UST: variants seen among roughly 807,000 people sequenced by gnomAD.
UST encodes uronyl 2-sulfotransferase, also known as chondroitin sulfate 2-O-sulfotransferase.
A neutral mutation model predicts 45.6 loss-of-function variants in UST; 21 were observed. That is an observed-to-expected ratio of 0.46 (90% CI 0.33 to 0.66). The LOEUF (loss-of-function observed/expected upper bound fraction) is 0.66. UST is among the 30% of genes least tolerant of loss of function. UST has a pLI of 0.02. For synonymous variants in UST, 215 were observed against 200.6 expected, an observed-to-expected ratio of 1.07 and a Z score of -0.61; for missense variants, 463 against 512.4, an observed-to-expected ratio of 0.90 and a Z score of 0.93.
At chr6:148,924,500 A>G (rs1190853581) in intron 2 of UST, among the ~76,000 whole-genome samples, 1 of 152,218 alleles carries the variant, frequency 6.6e-6, no homozygotes, top group African/African-American at 2.4e-5. Flanking sequence ...AGGACACTGA[A>G]GACGGTTTTG....
chr6:149,016,260 A>G (rs1023775100), intron 5 of UST, among the ~76,000 whole-genome samples: 2 of 152,242 alleles, frequency 1.3e-5, no homozygotes, highest in African/African-American at 4.8e-5. Flanking sequence ...ATGTCTTCCT[A>G]TAAATTGACC....
intron 5 of UST, among the ~76,000 whole-genome samples, chr6:148,999,327 T>C (rs190636456): frequency 3.3e-5 from 5 of 152,334 alleles, no homozygotes; most frequent in Non-Finnish European, 2.9e-5. Context: ...TTCATTATCT[T>C]CAAAGACCAC....
At chr6:148,920,533 TTTTA>T (rs1196776551) in intron 2 of UST, among the ~76,000 whole-genome samples, 1 of 152,158 alleles carries the variant, frequency 6.6e-6, no homozygotes, top group African/African-American at 2.4e-5. Flanking sequence ...CTTTGTTTGC[TTTTA>T]TTTGTTTTTG....
intron 1 of UST, among the ~76,000 whole-genome samples, chr6:148,841,837 GC>G (rs982129468): frequency 3.4e-4 from 52 of 152,244 alleles, no homozygotes; most frequent in African/African-American, 1.2e-3. Context: ...GGGTGCAATG[GC>G]CCAGACCCAT....
intron 2 of UST, among the ~76,000 whole-genome samples, chr6:148,940,791 A>G (rs1330256479): frequency 6.6e-6 from 1 of 152,032 alleles, no homozygotes; most frequent in Non-Finnish European, 1.5e-5. Context: ...GCATTTTTTC[A>G]TGTGCTTGTT....
chr6:148,946,540 G>A (rs934457227), intron 3 of UST, among the ~76,000 whole-genome samples: 8 of 121,694 alleles, frequency 6.6e-5, no homozygotes, highest in Non-Finnish European at 1.1e-4. Flanking sequence ...GGCCGGGTGC[G>A]GTGGCTCATA....
chr6:149,068,697 T>C (rs1010856148), intron 7 of UST, among the ~76,000 whole-genome samples: 1 of 152,220 alleles, frequency 6.6e-6, no homozygotes, highest in East Asian at 1.9e-4. Context: ...ATCAGGGTGT[T>C]TAGGGTATCC....
In UST at chr6:148,905,065, T is replaced by C. The variant is rs80125747; in HGVS notation, c.291+18036T>C. The stretch of plus-strand genomic sequence containing the variant: ...CTCTGAGTTTTGTTTTTCTCACTTA[T>C]AAAATAGGAAGTAATGATTTCCCAG... On this transcript the variant is annotated intron_variant, in intron 2 of 7. Transcript: ENST00000367463. Among the ~76,000 whole-genome samples, 102 of 152,348 alleles carry C rather than the reference T, an allele frequency of 6.7e-4. No homozygotes were observed. In the East Asian group the frequency reaches 0.013, roughly 20 times the overall value.
intron 1 of UST, among the ~76,000 whole-genome samples, chr6:148,850,077 G>A (rs561578212): frequency 6.6e-6 from 1 of 152,266 alleles, no homozygotes; most frequent in African/African-American, 2.4e-5. Context: ...CCTGGTTAAT[G>A]AGCTAAATAA....
chr6:148,830,365 G>A (rs981335323), intron 1 of UST, among the ~76,000 whole-genome samples: 2 of 152,112 alleles, frequency 1.3e-5, no homozygotes, highest in African/African-American at 2.4e-5. Flanking sequence ...AAGAGATATG[G>A]CAATTAATAT....
intron 1 of UST, among the ~76,000 whole-genome samples, chr6:148,795,461 C>G (rs1397619548): frequency 2.0e-5 from 3 of 152,148 alleles, no homozygotes; most frequent in Non-Finnish European, 4.4e-5. Flanking sequence ...TGTTTGATTT[C>G]TTGGACTTAG....
intron 2 of UST, among the ~76,000 whole-genome samples, chr6:148,899,341 T>C (rs910438167): frequency 6.6e-6 from 1 of 152,106 alleles, no homozygotes; most frequent in African/African-American, 2.4e-5. Flanking sequence ...CCTCATGATC[T>C]GCCCGCCTCG....
At chr6:148,874,464 T>C (rs1778612842) in intron 1 of UST, among the ~76,000 whole-genome samples, 1 of 152,232 alleles carries the variant, frequency 6.6e-6, no homozygotes, top group Admixed American at 6.5e-5. Flanking sequence ...AAATCATAAT[T>C]GATAGCATTT....
intron 1 of UST, among the ~76,000 whole-genome samples, chr6:148,769,846 G>A (rs1026309776): frequency 2.7e-5 from 4 of 149,614 alleles, no homozygotes; most frequent in African/African-American, 4.9e-5. Context: ...GTTGTTTGTT[G>A]TATAGATCCC....
At position 149,024,716 on chromosome 6, in the gene UST, G is replaced by A. The variant is rs1562332560; in HGVS notation, c.937+3235G>A. 2.0e-5 allele frequency among the ~76,000 whole-genome samples: 3 copies of A among 152,148 alleles called. 1 individual carries two copies. In the South Asian group the frequency reaches 6.2e-4, roughly 32 times the overall value. ...TCTCATCTTTGTATTTTTAGTCTAA[G>A]TTCATGTCTTAGGGCATACTAAAAT... On this transcript the variant is annotated intron_variant, in intron 7 of 7. Transcript: ENST00000367463.
intron 5 of UST, among the ~76,000 whole-genome samples, chr6:148,985,387 A>AAACAACAAC (rs140686403): frequency 6.6e-6 from 1 of 151,588 alleles, no homozygotes; most frequent in Non-Finnish European, 1.5e-5. Context: ...CTTTGAAGCA[A>AAACAACAAC]AACAACAACA....
chr6:149,069,328 A>G (rs1225651572), intron 7 of UST, among the ~76,000 whole-genome samples: 1 of 152,230 alleles, frequency 6.6e-6, no homozygotes, highest in Non-Finnish European at 1.5e-5. Flanking sequence ...ACTGTTTACC[A>G]TAGTGGCTGT....
At chr6:148,867,569 G>A (rs186419355) in intron 1 of UST, among the ~76,000 whole-genome samples, 100 of 152,242 alleles carry the variant, frequency 6.6e-4, no homozygotes, top group African/African-American at 2.3e-3. Context: ...CCTGGGGGCA[G>A]TTTCCCCCAT....
At chr6:148,925,565 C>T (rs1261539841) in intron 2 of UST, among the ~76,000 whole-genome samples, 4 of 152,092 alleles carry the variant, frequency 2.6e-5, no homozygotes, top group Admixed American at 2.6e-4. Flanking sequence ...GGAATATTTC[C>T]AAGTCACAAT....
Sources: allele counts gnomAD v4.1 joint callset (sites outside exome capture counted in the v4.1 genomes callset), GRCh38; gene constraint gnomAD v4.1.1; transcripts MANE v1.5; gene names NCBI Gene and HGNC (gene_info 2026-07-23, HGNC 2026-07-21).